Variants in MME observed in about 807,000 individuals in gnomAD.
The protein encoded by MME is membrane metalloendopeptidase.
In MME, 98 loss-of-function variants were observed where a neutral mutation model predicts 113.2. The observed-to-expected ratio is 0.87, with a 90% CI of 0.74 to 1.02. The LOEUF (loss-of-function observed/expected upper bound fraction) is 1.02, where lower values mean the gene tolerates loss of function less well. Ranked by LOEUF, MME falls within the 50% of genes least tolerant of loss-of-function variation. The pLI is 0.00. For missense variants in MME, 836 were observed against 896.0 expected (o/e 0.93, Z 0.86); for synonymous variants, 292 against 300.6 (o/e 0.97, Z 0.30).
At chr3:155,038,176 A>T (rs1005266390) in intron 1 of MME, among the ~76,000 whole-genome samples, 3 of 152,164 alleles carry the variant, frequency 2.0e-5, no homozygotes, top group African/African-American at 7.2e-5. Flanking sequence ...CCTATATCAG[A>T]TCTACATATG....
intron 8 of MME, among the ~76,000 whole-genome samples, chr3:155,129,741 A>T (rs1485783256): frequency 6.6e-6 from 1 of 152,196 alleles, no homozygotes; most frequent in African/African-American, 2.4e-5. Context: ...ACACAATGCT[A>T]TCTCAAAGAA....
chr3:155,169,028 A>G, intron 20 of MME: 1 of 502,874 alleles, frequency 2.0e-6, no homozygotes, highest in East Asian at 3.5e-5. Context: ...GAAGAAGAGA[A>G]AATATGGAAT....
chr3:155,091,725 T>A lies in MME; in HGVS notation c.196+6631T>A, dbSNP rs555477396. 1.6e-4 allele frequency among the ~76,000 whole-genome samples: 25 copies of A among 152,296 alleles called. No homozygotes were observed. The South Asian group carries it at 1.9e-3, about 11-fold the overall frequency. On this transcript the variant is annotated intron_variant, in intron 3 of 22. Coordinates refer to ENST00000360490, the MANE Select transcript of MME (RefSeq NM_007289.4). ...AGCTCAAGTTGATAAAACAGATTAATTGAAGGAAATTGAAAAATACGCAAT... is the reference window on the plus strand; with the variant it reads ...AGCTCAAGTTGATAAAACAGATTAAATGAAGGAAATTGAAAAATACGCAAT...
At chr3:155,036,224 A>T (rs1258652856) in intron 1 of MME, among the ~76,000 whole-genome samples, 1 of 152,208 alleles carries the variant, frequency 6.6e-6, no homozygotes. Context: ...TCACTACTTA[A>T]TCTTTGAATC....
rs1452085748 is a variant in MME at position 155,063,696 on chromosome 3, T to TATTAC, written c.-10-20458_-10-20457insCATTA. ...TATTATATTATATTATATTATATTA[T>TATTAC]ATTATATTATATTATATTATATATA... On this transcript the variant is annotated intron_variant, in intron 1 of 22. Coordinates refer to the MME transcript ENST00000492661. Among the ~76,000 whole-genome samples the TATTAC allele has an allele frequency of 4.4e-5, 6 of 135,308 alleles. No individual in the cohort carries two copies. In the East Asian group the frequency reaches 1.2e-3, roughly 27 times the overall value. 88.8% of individuals were successfully genotyped at this position (135,308 alleles called of 152,430 possible). A position where few individuals can be genotyped will look rare whatever the true frequency, so the allele number is the denominator to read the frequency against.
At chr3:155,177,383 A>G (rs979061844) in intron 22 of MME, among the ~76,000 whole-genome samples, 1 of 152,236 alleles carries the variant, frequency 6.6e-6, no homozygotes, top group African/African-American at 2.4e-5. Context: ...AGAAGGTTGC[A>G]TTAATGAATC....
At chr3:155,105,775 A>G (rs1717633292) in intron 3 of MME, among the ~76,000 whole-genome samples, 1 of 152,214 alleles carries the variant, frequency 6.6e-6, no homozygotes, top group Non-Finnish European at 1.5e-5. Flanking sequence ...TAAAGAAAGC[A>G]TTTAAAAAAC....
Position 155,052,719 on chromosome 3 carries a change from T to C in MME, c.-11+28395T>C, listed in dbSNP as rs560946296. Among the ~76,000 whole-genome samples, 8 of 152,358 alleles carry C rather than the reference T, an allele frequency of 5.3e-5. No individual in the cohort carries two copies. In the East Asian group the frequency reaches 1.5e-3, roughly 29 times the overall value. On this transcript the variant is annotated intron_variant, in intron 1 of 22. Coordinates refer to the MME transcript ENST00000492661. ...GGGGCTGTCATGAAGGCCTTTGGCA[T>C]GTCGTGGAGACATTTTCCCCATTGT...
At chr3:155,167,874 A>C (rs763557088) in intron 18 of MME, among the ~76,000 whole-genome samples, 27 of 152,194 alleles carry the variant, frequency 1.8e-4, no homozygotes, top group Non-Finnish European at 3.1e-4. Flanking sequence ...CAGAAGGTGA[A>C]TTCAAGTAGG....
intron 10 of MME, 151 bp downstream of exon 10, chr3:155,140,443 G>A (rs913294837): frequency 3.9e-6 from 2 of 511,258 alleles, no homozygotes; most frequent in Admixed American, 3.5e-5. Context: ...TTGAGACAGG[G>A]TCTCACTCTG....
At chr3:155,106,617 G>A (rs920724488) in intron 3 of MME, among the ~76,000 whole-genome samples, 1 of 152,078 alleles carries the variant, frequency 6.6e-6, no homozygotes, top group African/African-American at 2.4e-5. Flanking sequence ...CATTTTCCTT[G>A]TGTTCTTTTA....
chr3:155,096,355 G>A (rs1226191782), intron 3 of MME, among the ~76,000 whole-genome samples: 1 of 152,208 alleles, frequency 6.6e-6, no homozygotes, highest in Non-Finnish European at 1.5e-5. Flanking sequence ...TGCCCCTGGT[G>A]TGTGAGAGAG....
intron 14 of MME, among the ~76,000 whole-genome samples, chr3:155,146,753 A>G (rs1207054117): frequency 6.6e-5 from 10 of 152,120 alleles, no homozygotes; most frequent in East Asian, 3.9e-4. Flanking sequence ...AGTCAAATCA[A>G]TGAGGCAGAA....
intron 8 of MME, among the ~76,000 whole-genome samples, chr3:155,124,450 C>T (rs1315078033): frequency 6.6e-6 from 1 of 152,000 alleles, no homozygotes; most frequent in East Asian, 1.9e-4. Context: ...AGCTTTGTTC[C>T]GTTGCTGGTG....
chr3:155,115,538 C>T (rs1208120150), intron 4 of MME, among the ~76,000 whole-genome samples: 1 of 152,170 alleles, frequency 6.6e-6, no homozygotes, highest in Admixed American at 6.5e-5. Context: ...AAGCAATTCT[C>T]CTGCCTCAGC....
In MME at chr3:155,181,463, A is replaced by G. The variant is rs1713079806; in HGVS notation, c.*1004A>G. On this transcript the variant is annotated 3_prime_UTR_variant, in exon 23 of 23. Coordinates refer to ENST00000360490, the MANE Select transcript of MME (RefSeq NM_007289.4). ...TTTTCAAATTGGACTTTCAAAATTA[A>G]ATCTGTCCCTGAGAGTGTCTCTGAT... The G allele has an allele frequency of 6.6e-6, 1 of 152,162 alleles. No individual in the cohort carries two copies. The highest frequency in any genetic ancestry group is 2.4e-5 in the African/African-American group (1 of 41,434). 9.4% of individuals were successfully genotyped at this position (152,162 alleles called of 1,614,324 possible). A position where few individuals can be genotyped will look rare whatever the true frequency, so the allele number is the denominator to read the frequency against.
chr3:155,162,194 T>C (rs1722767532), intron 17 of MME, among the ~76,000 whole-genome samples: 1 of 152,152 alleles, frequency 6.6e-6, no homozygotes, highest in African/African-American at 2.4e-5. Flanking sequence ...CACTCTGGCA[T>C]GTTCAGTCCT....
At chr3:155,161,197 C>T (rs1010612124) in intron 17 of MME, among the ~76,000 whole-genome samples, 18 of 152,012 alleles carry the variant, frequency 1.2e-4, no homozygotes, top group African/African-American at 4.3e-4. Context: ...TTATCACATA[C>T]ATTGGCTCAT....
chr3:155,113,393 C>T (rs999335313), intron 3 of MME, among the ~76,000 whole-genome samples: 91 of 152,322 alleles, frequency 6.0e-4, no homozygotes, highest in African/African-American at 2.0e-3. Flanking sequence ...TATTCTCCTG[C>T]TTTAGCCTCC....
Sources: gnomAD v4.1 joint callset for allele counts (sites outside exome capture counted in the v4.1 genomes callset) on GRCh38, gnomAD v4.1.1 for gene constraint, MANE v1.5 for transcripts, NCBI Gene and HGNC (gene_info 2026-07-23, HGNC 2026-07-21) for gene names.